IQCM: variants seen among roughly 807,000 people sequenced by gnomAD.
IQCM encodes the protein IQ motif containing M, also known as IQ domain-containing protein M.
In IQCM, 45 loss-of-function variants were observed where a neutral mutation model predicts 57.6. That is an observed-to-expected ratio of 0.78 (90% CI 0.62 to 1.00). The LOEUF is 1.00. Ranked by LOEUF, IQCM falls within the 50% of genes least tolerant of loss-of-function variation. IQCM has a pLI of 0.00. For synonymous variants in IQCM, 148 were observed against 158.9 expected, an observed-to-expected ratio of 0.93 and a Z score of 0.51; for missense variants, 468 against 511.6, an observed-to-expected ratio of 0.91 and a Z score of 0.82.
chr4:149,462,381 A>G (rs1363452148), intron 12 of IQCM, among the ~76,000 whole-genome samples: 6 of 152,194 alleles, frequency 3.9e-5, no homozygotes, highest in Non-Finnish European at 8.8e-5. Context: ...AAATAACTAC[A>G]CAGAATGGAA....
intron 7 of IQCM, among the ~76,000 whole-genome samples, chr4:149,622,582 A>G (rs1269738288): frequency 2.0e-5 from 3 of 152,074 alleles, no homozygotes; most frequent in Non-Finnish European, 4.4e-5. Context: ...AAATTATTCA[A>G]CGGAAGCAAA....
At chr4:149,550,830 C>T (rs1389614297) in intron 11 of IQCM, among the ~76,000 whole-genome samples, 1 of 152,064 alleles carries the variant, frequency 6.6e-6, no homozygotes, top group Non-Finnish European at 1.5e-5. Context: ...AGTTACTTTC[C>T]CCTCAATGTA....
At chr4:149,401,296 G>A (rs1732601860) in intron 13 of IQCM, among the ~76,000 whole-genome samples, 2 of 151,702 alleles carry the variant, frequency 1.3e-5, no homozygotes, top group African/African-American at 4.8e-5. Flanking sequence ...TGCCAAATAA[G>A]AAAATAAATA....
chr4:149,727,185 T>C (rs1045236224), intron 5 of IQCM, among the ~76,000 whole-genome samples: 1 of 152,210 alleles, frequency 6.6e-6, no homozygotes, highest in African/African-American at 2.4e-5. Flanking sequence ...GACTCCAACC[T>C]TTCCCATGAG....
chr4:149,589,983 T>C (rs895539657), intron 8 of IQCM, among the ~76,000 whole-genome samples: 6 of 152,036 alleles, frequency 3.9e-5, no homozygotes, highest in Non-Finnish European at 8.8e-5. Context: ...TCTGTGCTAC[T>C]ACTGTTTACA....
At chr4:149,475,028 C>G (rs1740031681) in intron 12 of IQCM, among the ~76,000 whole-genome samples, 1 of 152,258 alleles carries the variant, frequency 6.6e-6, no homozygotes, top group East Asian at 1.9e-4. Context: ...GAATGAGAAA[C>G]TGAGGAAGGG....
chr4:149,624,996 T>C (rs1179304718), intron 7 of IQCM, among the ~76,000 whole-genome samples: 4 of 152,250 alleles, frequency 2.6e-5, no homozygotes, highest in Non-Finnish European at 5.9e-5. Context: ...TAATTGCACA[T>C]GCAGTTTTAA....
At chr4:149,736,912 A>G (rs986124477) in intron 3 of IQCM, among the ~76,000 whole-genome samples, 4 of 152,220 alleles carry the variant, frequency 2.6e-5, no homozygotes, top group African/African-American at 4.8e-5. Context: ...TTTACTCATA[A>G]TAATTCTAAA....
chr4:149,711,056 T>C (rs548472233), intron 5 of IQCM: 1 of 152,168 alleles, frequency 6.6e-6, no homozygotes, highest in Non-Finnish European at 1.5e-5. Flanking sequence ...GGCAATAGGA[T>C]AATTTATTAT....
chr4:149,437,346 C>T (rs1042818013), intron 12 of IQCM, among the ~76,000 whole-genome samples: 8 of 152,204 alleles, frequency 5.3e-5, no homozygotes, highest in Admixed American at 2.6e-4. Context: ...TTAGTCTTCT[C>T]CACAAAAATT....
chr4:149,515,194 T>G (rs1744828779), intron 12 of IQCM, among the ~76,000 whole-genome samples: 1 of 151,728 alleles, frequency 6.6e-6, no homozygotes, highest in Non-Finnish European at 1.5e-5. Flanking sequence ...CTACTCCCCT[T>G]TTTTTGAGAG....
intron 5 of IQCM, among the ~76,000 whole-genome samples, chr4:149,708,006 C>A (rs1764284885): frequency 6.6e-6 from 1 of 152,030 alleles, no homozygotes. Context: ...CCAGTCCTCA[C>A]AAATTGTCAT....
chr4:149,414,888 T>C (rs1733635556), intron 13 of IQCM, among the ~76,000 whole-genome samples: 1 of 152,026 alleles, frequency 6.6e-6, no homozygotes, highest in Non-Finnish European at 1.5e-5. Flanking sequence ...AAATATCAGG[T>C]ATATTGAAGC....
intron 2 of IQCM, among the ~76,000 whole-genome samples, chr4:149,796,229 C>T (rs1773102338): frequency 6.6e-6 from 1 of 152,150 alleles, no homozygotes; most frequent in African/African-American, 2.4e-5. Context: ...CACAAGCTGA[C>T]TGAGGAGCCA....
At chr4:149,609,152 A>G (rs990288885) in intron 8 of IQCM, among the ~76,000 whole-genome samples, 7 of 151,764 alleles carry the variant, frequency 4.6e-5, no homozygotes, top group Admixed American at 1.3e-4. Context: ...AAAATGGATA[A>G]ACTCCTAGAC....
chr4:149,382,726 T>C (rs569675106), intron 13 of IQCM, among the ~76,000 whole-genome samples: 1 of 152,224 alleles, frequency 6.6e-6, no homozygotes, highest in East Asian at 1.9e-4. Context: ...GAATAATCCC[T>C]TGTAAAACTG....
intron 8 of IQCM, among the ~76,000 whole-genome samples, chr4:149,606,894 C>G (rs1033624788): frequency 1.3e-5 from 2 of 151,940 alleles, no homozygotes; most frequent in South Asian, 2.1e-4. Flanking sequence ...TACAATGAAG[C>G]ACACATACAA....
chr4:149,770,102 G>A (rs1770429912), intron 2 of IQCM, among the ~76,000 whole-genome samples: 1 of 151,980 alleles, frequency 6.6e-6, no homozygotes, highest in Non-Finnish European at 1.5e-5. Flanking sequence ...CAGACTCATG[G>A]AGAAAAACTG....
chr4:149,402,558 G>T (rs1732692108), intron 13 of IQCM, among the ~76,000 whole-genome samples: 2 of 151,770 alleles, frequency 1.3e-5, no homozygotes, highest in Admixed American at 6.6e-5. Flanking sequence ...GACAGAATAA[G>T]AGAGGAGAGA....
Sources: allele counts gnomAD v4.1 joint callset (sites outside exome capture counted in the v4.1 genomes callset), GRCh38; gene constraint gnomAD v4.1.1; transcripts MANE v1.5; gene names NCBI Gene and HGNC (gene_info 2026-07-23, HGNC 2026-07-21).